The following EFCAB8 variants were observed in gnomAD, a reference collection of about 807,000 sequenced individuals.
EFCAB8 encodes the protein EF-hand calcium-binding domain-containing protein 8.
Under a neutral mutation model 116.3 loss-of-function variants are expected in EFCAB8, and 100 were observed. The ratio of observed to expected loss-of-function variants is 0.86; its 90% CI spans 0.73 to 1.02. The LOEUF (loss-of-function observed/expected upper bound fraction) is 1.02. Among genes scored for constraint, EFCAB8 ranks in the 50% least tolerant of loss-of-function variants. The pLI, the probability that EFCAB8 is intolerant of heterozygous loss-of-function variation, is 0.00. For synonymous variants in EFCAB8, 558 were observed against 567.9 expected, an observed-to-expected ratio of 0.98 and a Z score of 0.25; for missense variants, 1,320 against 1,416.9, an observed-to-expected ratio of 0.93 and a Z score of 1.10.
chr20:32,859,692 A>G (rs948605874), intron 1 of EFCAB8, among the ~76,000 whole-genome samples: 2 of 151,706 alleles, frequency 1.3e-5, no homozygotes, highest in Admixed American at 6.6e-5. Flanking sequence ...GTTATTATAC[A>G]TGTTACTTGT....
chr20:32,943,565 T>C (rs572223959), intron 22 of EFCAB8, 71 bp from the exon 23 acceptor site: 10 of 416,420 alleles, frequency 2.4e-5, no homozygotes, highest in Non-Finnish European at 3.5e-5. Flanking sequence ...CTGCCTGCAG[T>C]CCTGGGTGCC....
intron 19 of EFCAB8, among the ~76,000 whole-genome samples, chr20:32,918,995 C>A (rs1987327899): frequency 6.6e-6 from 1 of 152,148 alleles, no homozygotes; most frequent in East Asian, 1.9e-4. Flanking sequence ...AGTCTGAGAC[C>A]CAGACACAGA....
chr20:32,875,901 G>A, intron 3 of EFCAB8, 25 bp from the exon 4 acceptor site: 1 of 1,546,156 alleles, frequency 6.5e-7, no homozygotes, highest in African/African-American at 1.4e-5. Flanking sequence ...GGAAGGGGAT[G>A]ATGCTCTCTG....
intron 3 of EFCAB8, among the ~76,000 whole-genome samples, chr20:32,869,294 A>G (rs1984575921): frequency 6.6e-6 from 1 of 151,638 alleles, no homozygotes; most frequent in Admixed American, 6.6e-5. Flanking sequence ...CTGGAGTGCA[A>G]TGGCACGATC....
chr20:32,875,964 G>T lies in EFCAB8; in HGVS notation c.247G>T (p.Val83Phe). Reference sequence around the variant, plus strand: ...CGCCTTCATCAAGGCCATGAAGAAGGTTCTGAGCAGTGTGTCGGACGAGAT... The same window carrying T: ...CGCCTTCATCAAGGCCATGAAGAAGTTTCTGAGCAGTGTGTCGGACGAGAT... ...MDAFIKAMKK[V>F]LSSVSDEMLK... Residue 83 changes from valine (V) to phenylalanine (F), a missense_variant, in exon 4 of 27, where the codon GTT (valine) becomes TTT (phenylalanine). Val to Phe is a conservative substitution (Grantham distance 50, BLOSUM62 -1). Coordinates refer to ENST00000400522, the MANE Select transcript of EFCAB8 (RefSeq NM_001143967.2). 1 of 1,552,084 alleles carries T rather than the reference G, an allele frequency of 6.4e-7. No homozygotes were observed. The highest frequency in any genetic ancestry group is 8.7e-7 in the Non-Finnish European group (1 of 1,147,062).
intron 8 of EFCAB8, among the ~76,000 whole-genome samples, chr20:32,892,867 G>A (rs190838633): frequency 3.1e-4 from 46 of 147,606 alleles, no homozygotes; most frequent in African/African-American, 1.1e-3. Flanking sequence ...ATGACTCAGA[G>A]TCTCACTCTG....
At chr20:32,911,395 G>A in intron 15 of EFCAB8, 85 bp from the exon 16 acceptor site, 1 of 1,231,788 alleles carries the variant, frequency 8.1e-7, no homozygotes. Context: ...TGGATGGAGG[G>A]GAGGGGCCAA....
intron 5 of EFCAB8, among the ~76,000 whole-genome samples, chr20:32,879,912 G>C (rs1463137496): frequency 6.6e-6 from 1 of 152,176 alleles, no homozygotes; most frequent in African/African-American, 2.4e-5. Flanking sequence ...GTCTGTGCCA[G>C]GGGTTGATCT....
chr20:32,914,573 C>T (rs1290835660), intron 17 of EFCAB8, among the ~76,000 whole-genome samples: 2 of 152,174 alleles, frequency 1.3e-5, no homozygotes, highest in Non-Finnish European at 2.9e-5. Flanking sequence ...AGGAGGGGGC[C>T]TCAGGAAACT....
intron 26 of EFCAB8, among the ~76,000 whole-genome samples, chr20:32,960,931 C>T (rs1803166819): frequency 6.6e-6 from 1 of 152,246 alleles, no homozygotes; most frequent in Non-Finnish European, 1.5e-5. Flanking sequence ...GGGTGGAGAG[C>T]AGGGCTGGGC....
chr20:32,903,257 C>T (rs1455380894), intron 11 of EFCAB8, among the ~76,000 whole-genome samples: 5 of 152,228 alleles, frequency 3.3e-5, no homozygotes, highest in Non-Finnish European at 7.3e-5. Context: ...CTCCCCTGGG[C>T]TCCCCGGGGC....
chr20:32,896,580 C>T (rs758851919), intron 10 of EFCAB8, 53 bp downstream of exon 10: 2 of 712,358 alleles, frequency 2.8e-6, no homozygotes, highest in Non-Finnish European at 5.2e-6. Flanking sequence ...TGTACACACA[C>T]ACCACTCAAA....
At position 32,906,823 on chromosome 20, in the gene EFCAB8, C is replaced by T. The variant is rs1986696415; in HGVS notation, c.1157-20C>T. The T allele has an allele frequency of 4.8e-6, 6 of 1,253,504 alleles. No homozygotes were observed. Among genetic ancestry groups the T allele is most frequent in the Admixed American group, 2.0e-5 (1 of 50,634 alleles). The allele number at this position is 1,253,504 out of a possible 1,614,324, so 77.6% of individuals were successfully genotyped here. On this transcript the variant is annotated intron_variant, in intron 12 of 26. Transcript: ENST00000400522. ...CCCCAGTGGAGGCCCCTGGGACTGA[C>T]ACCCACGTCTTGACCACAGTGACTG... is the stretch of plus-strand genomic sequence containing the variant.
At chr20:32,943,364 G>A (rs922992003) in intron 22 of EFCAB8, among the ~76,000 whole-genome samples, 1 of 152,234 alleles carries the variant, frequency 6.6e-6, no homozygotes, top group African/African-American at 2.4e-5. Context: ...CAAGTCATAT[G>A]CAAGTCATAT....
intron 1 of EFCAB8, among the ~76,000 whole-genome samples, chr20:32,863,543 C>T (rs1017916671): frequency 1.3e-5 from 2 of 152,188 alleles, no homozygotes; most frequent in Non-Finnish European, 2.9e-5. Flanking sequence ...TGCAGGACAA[C>T]TCCTCTCTAT....
chr20:32,906,898 G>T lies in EFCAB8; in HGVS notation c.1212G>T (p.Arg404Ser), dbSNP rs1568922520. 3 of 1,551,408 alleles carry T rather than the reference G, an allele frequency of 1.9e-6. No individual in the cohort carries two copies. Among genetic ancestry groups the T allele is most frequent in the Non-Finnish European group, 2.6e-6 (3 of 1,146,752 alleles). The change falls in exon 13 of 27, where the codon AGG becomes AGT. Residue 404 changes from arginine (R) to serine (S), a missense_variant. Coordinates refer to ENST00000400522, the MANE Select transcript of EFCAB8 (RefSeq NM_001143967.2). ...IRLWNPFVSK[R>S]PVWLMKGHQT... ...TGTGGAACCCCTTTGTCTCAAAGAG[G>T]CCCGTGTGGCTGATGAAGGGACACC...
chr20:32,940,339 T>C lies in EFCAB8; in HGVS notation c.2791-3297T>C, dbSNP rs759822436. On this transcript the variant is annotated intron_variant, in intron 22 of 26. Coordinates refer to ENST00000400522, the MANE Select transcript of EFCAB8 (RefSeq NM_001143967.2). ...AAATGGGGAGAAATAATATATTTTTTAAAACATGTCCTGCTGGGACAATAG... is the reference window on the plus strand; with the variant it reads ...AAATGGGGAGAAATAATATATTTTTCAAAACATGTCCTGCTGGGACAATAG... Among the ~76,000 whole-genome samples the C allele has an allele frequency of 2.1e-4, 32 of 149,514 alleles. 5 individuals are homozygous for C. Among genetic ancestry groups the C allele is most frequent in the Non-Finnish European group, 4.6e-4 (31 of 67,404 alleles).
chr20:32,903,973 G>C (rs1035093718), intron 11 of EFCAB8, among the ~76,000 whole-genome samples: 3 of 152,178 alleles, frequency 2.0e-5, no homozygotes. Context: ...TACTGTGTCA[G>C]GGGGTCGGGT....
At chr20:32,872,129 T>G (rs1984711974) in intron 3 of EFCAB8, among the ~76,000 whole-genome samples, 1 of 152,204 alleles carries the variant, frequency 6.6e-6, no homozygotes, top group Non-Finnish European at 1.5e-5. Context: ...AATATAATAA[T>G]AATTACTGTT....
Sources: gnomAD v4.1 joint callset for allele counts (sites outside exome capture counted in the v4.1 genomes callset) on GRCh38, gnomAD v4.1.1 for gene constraint, MANE v1.5 for transcripts, NCBI Gene and HGNC (gene_info 2026-07-23, HGNC 2026-07-21) for gene names.